RXFP1: variants seen among roughly 807,000 people sequenced by gnomAD.
RXFP1 encodes relaxin family peptide receptor 1, also known as relaxin receptor 1.
A neutral mutation model predicts 89.8 loss-of-function variants in RXFP1; 73 were observed. The observed-to-expected ratio is 0.81, with a 90% CI of 0.67 to 0.99. The LOEUF is 0.99. RXFP1 is among the 50% of genes least tolerant of loss of function. RXFP1 has a pLI of 0.00. For missense variants in RXFP1, 793 were observed against 895.5 expected (o/e 0.89, Z 1.46); for synonymous variants, 277 against 305.5 (o/e 0.91, Z 0.97).
At chr4:158,572,920 G>A in intron 2 of RXFP1, 85 bp downstream of exon 2, 1 of 1,538,194 alleles carries the variant, frequency 6.5e-7, no homozygotes, top group South Asian at 1.2e-5. Flanking sequence ...TCAACAAAAA[G>A]ACAAAACTAA....
At chr4:158,639,594 G>C (rs1189520128) in intron 14 of RXFP1, among the ~76,000 whole-genome samples, 1 of 152,198 alleles carries the variant, frequency 6.6e-6, no homozygotes, top group East Asian at 1.9e-4. Context: ...CTCTGGTCCA[G>C]GCCAGTGGCT....
chr4:158,583,557 A>C (rs577984886), intron 2 of RXFP1, among the ~76,000 whole-genome samples: 129 of 152,384 alleles, frequency 8.5e-4, no homozygotes, highest in Middle Eastern at 3.4e-3. Context: ...GTGATGTGTC[A>C]TAAATATGTG....
chr4:158,648,028 T>C (rs1398710775), intron 16 of RXFP1, among the ~76,000 whole-genome samples: 1 of 125,072 alleles, frequency 8.0e-6, no homozygotes, highest in East Asian at 2.4e-4. Context: ...AAAAAAAAAA[T>C]TAGCTGGTGT....
At chr4:158,559,648 G>A (rs947049350) in intron 1 of RXFP1, among the ~76,000 whole-genome samples, 4 of 152,100 alleles carry the variant, frequency 2.6e-5, no homozygotes, top group East Asian at 3.9e-4. Context: ...ATGTATTTAC[G>A]ACAAAAAAGC....
At chr4:158,646,413 G>A (rs1376937855) in intron 15 of RXFP1, 13 of 1,093,970 alleles carry the variant, frequency 1.2e-5, no homozygotes, top group Admixed American at 2.5e-5. Context: ...TGGAAGAGCA[G>A]AACCAAGTAA....
chr4:158,573,265 C>A (rs1054473114), intron 2 of RXFP1, among the ~76,000 whole-genome samples: 12 of 152,164 alleles, frequency 7.9e-5, no homozygotes, highest in Non-Finnish European at 1.8e-4. Flanking sequence ...ACCTCTTCCT[C>A]CCATAGTGCC....
At chr4:158,544,028 A>G in intron 1 of RXFP1, 1 of 985,384 alleles carries the variant, frequency 1.0e-6, no homozygotes, top group East Asian at 1.1e-4. Flanking sequence ...AAAGATTCCC[A>G]TGAGATCGGA....
chr4:158,609,435 G>T (rs1003215811), intron 6 of RXFP1, among the ~76,000 whole-genome samples: 1 of 152,094 alleles, frequency 6.6e-6, no homozygotes, highest in African/African-American at 2.4e-5. Context: ...TCAATGTTCC[G>T]TTTTATTGAG....
intron 1 of RXFP1, among the ~76,000 whole-genome samples, chr4:158,533,452 T>C (rs1256207269): frequency 6.6e-6 from 1 of 152,174 alleles, no homozygotes; most frequent in Non-Finnish European, 1.5e-5. Context: ...TATAACGAAA[T>C]ACCTTAGTAA....
At chr4:158,613,986 AATCTCCTTGTAG>A (rs1561129309) in intron 8 of RXFP1, among the ~76,000 whole-genome samples, 1 of 152,060 alleles carries the variant, frequency 6.6e-6, no homozygotes, top group African/African-American at 2.4e-5. Flanking sequence ...AAACAACATG[AATCTCCTTGTAG>A]ATCTCCACTG....
chr4:158,601,379 T>A (rs1407486568), intron 4 of RXFP1, among the ~76,000 whole-genome samples: 1 of 152,146 alleles, frequency 6.6e-6, no homozygotes, highest in Non-Finnish European at 1.5e-5. Flanking sequence ...GGGACTCTGA[T>A]GTTAGATGTT....
chr4:158,559,982 T>A (rs1169833119), intron 1 of RXFP1, among the ~76,000 whole-genome samples: 2 of 152,218 alleles, frequency 1.3e-5, no homozygotes, highest in East Asian at 3.8e-4. Context: ...TAAAGACAAC[T>A]TCTATTCTCC....
At position 158,521,901 on chromosome 4, in the gene RXFP1, T is replaced by C; in HGVS notation, c.-76T>C. ...GCAGACAGAAATAGCACACAACCAC[T>C]GTGAGCTGTATGCGATTCAGAAACC... On this transcript the variant is annotated 5_prime_UTR_variant, in exon 1 of 18. Transcript: ENST00000307765. The C allele has an allele frequency of 1.1e-6, 1 of 912,840 alleles. No individual in the cohort carries two copies. The highest frequency in any genetic ancestry group is 1.8e-6 in the Non-Finnish European group (1 of 558,394). 56.5% of individuals were successfully genotyped at this position (912,840 alleles called of 1,614,324 possible).
chr4:158,599,504 G>A (rs1761280106), intron 4 of RXFP1, 73 bp downstream of exon 4: 3 of 1,123,936 alleles, frequency 2.7e-6, no homozygotes, highest in Non-Finnish European at 3.8e-6. Context: ...TTAAGACCAT[G>A]TGATTATTCA....
intron 1 of RXFP1, among the ~76,000 whole-genome samples, chr4:158,563,449 T>C (rs1010918948): frequency 1.3e-5 from 2 of 151,042 alleles, no homozygotes; most frequent in Admixed American, 6.6e-5. Flanking sequence ...CATTTACTAA[T>C]GAGGGAACCA....
At position 158,652,094 on chromosome 4, in the gene RXFP1, G is replaced by C. The variant is rs201417773; in HGVS notation, c.*39G>C. ...TCATTTCTTCGCAGAGAATACTGTG[G>C]GGGTGCTTCATGAGGGATTTACTGG... On this transcript the variant is annotated 3_prime_UTR_variant, in exon 18 of 18. Coordinates refer to ENST00000307765, the MANE Select transcript of RXFP1 (RefSeq NM_021634.4). 3 of 1,536,250 alleles carry C rather than the reference G, an allele frequency of 2.0e-6. No homozygotes were observed. In the African/African-American group the frequency reaches 4.1e-5, roughly 21 times the overall value.
chr4:158,607,264 G>T, intron 5 of RXFP1: 1 of 662,340 alleles, frequency 1.5e-6, no homozygotes, highest in Non-Finnish European at 2.7e-6. Flanking sequence ...AACTATGTAA[G>T]CCTGCATTCT....
chr4:158,606,988 C>T, intron 5 of RXFP1: 1 of 1,162,510 alleles, frequency 8.6e-7, no homozygotes, highest in Non-Finnish European at 1.2e-6. Flanking sequence ...AATGTTCGCT[C>T]ATATTGATTT....
chr4:158,648,469 C>T, intron 16 of RXFP1, 30 bp from the exon 17 acceptor site: 1 of 1,234,132 alleles, frequency 8.1e-7, no homozygotes. Context: ...TATTTCTATG[C>T]ATTAATAATA....
Sources: allele counts gnomAD v4.1 joint callset (sites outside exome capture counted in the v4.1 genomes callset), GRCh38; gene constraint gnomAD v4.1.1; transcripts MANE v1.5; gene names NCBI Gene and HGNC (gene_info 2026-07-23, HGNC 2026-07-21).